The following MROH9 variants were observed in gnomAD, a reference collection of about 807,000 sequenced individuals.
The protein encoded by MROH9 is maestro heat-like repeat-containing protein family member 9.
Under a neutral mutation model 98.2 loss-of-function variants are expected in MROH9, and 92 were observed. The ratio of observed to expected loss-of-function variants is 0.94; its 90% confidence interval spans 0.79 to 1.11. MROH9 has a LOEUF of 1.11. Among genes scored for constraint, MROH9 ranks in the 50% most tolerant of loss-of-function variants. MROH9 has a pLI of 0.00. For missense variants in MROH9, 1,057 were observed against 1,014.8 expected (o/e 1.04, Z -0.57); for synonymous variants, 397 against 368.9 (o/e 1.08, Z -0.87).
chr1:171,008,839 A>C lies in MROH9; in HGVS notation c.1597-5278A>C, dbSNP rs142806520. On this transcript the variant is annotated intron_variant, in intron 15 of 21. Transcript: ENST00000367759. ...CTTCCAGGAGATGTTGTTAAGTGAA[A>C]ATAAAACAAGCTGCAGAGCAGCACA... Among the ~76,000 whole-genome samples the C allele has an allele frequency of 5.2e-3, 788 of 152,324 alleles. 9 individuals carry two copies. Among genetic ancestry groups the C allele is most frequent in the African/African-American group, 0.017 (713 of 41,580 alleles).
intron 8 of MROH9, among the ~76,000 whole-genome samples, chr1:170,981,617 G>C (rs1370887068): frequency 6.6e-6 from 1 of 151,978 alleles, no homozygotes; most frequent in Non-Finnish European, 1.5e-5. Context: ...GGAGGTGGGG[G>C]GTGCGGGGAG....
At chr1:170,966,643 A>G (rs968530692) in intron 7 of MROH9, among the ~76,000 whole-genome samples, 1 of 152,090 alleles carries the variant, frequency 6.6e-6, no homozygotes, top group African/African-American at 2.4e-5. Context: ...ACATAATACA[A>G]TTTACTTAGA....
rs778891967 is a variant in MROH9 at position 171,005,460 on chromosome 1, C to A, written c.1596+7186C>A. On this transcript the variant is annotated intron_variant, in intron 15 of 21. Coordinates refer to ENST00000367759, the MANE Select transcript of MROH9 (RefSeq NM_001163629.2). ...GTGTGTCTTCAATTTCCTTCATCAGCATTTTATAGTTTTCAGTGTACAGGT... is the reference window on the plus strand; with the variant it reads ...GTGTGTCTTCAATTTCCTTCATCAGAATTTTATAGTTTTCAGTGTACAGGT... Among the ~76,000 whole-genome samples the A allele has an allele frequency of 3.7e-4, 57 of 152,054 alleles. 2 individuals are homozygous for A. Among genetic ancestry groups the A allele is most frequent in the Admixed American group, 3.3e-3 (50 of 15,258 alleles).
At chr1:170,998,944 T>C (rs1651689133) in intron 15 of MROH9, 1 of 171,506 alleles carries the variant, frequency 5.8e-6, no homozygotes, top group Admixed American at 6.5e-5. Flanking sequence ...AAAAGCATAC[T>C]GTTATACTAT....
At chr1:171,021,834 A>T (rs1287759708) in intron 17 of MROH9, among the ~76,000 whole-genome samples, 1 of 152,150 alleles carries the variant, frequency 6.6e-6, no homozygotes, top group Admixed American at 6.5e-5. Context: ...AATGGGAAAA[A>T]ATTTTTGCAA....
intron 20 of MROH9, among the ~76,000 whole-genome samples, chr1:171,044,972 C>CTTTTTTTTT (rs754332732): frequency 0.01 from 472 of 45,692 alleles, 103 homozygotes; most frequent in Non-Finnish European, 0.014. Context: ...CTGCTCTGAT[C>CTTTTTTTTT]TTTTTTTTTT....
rs768636059 is a variant in MROH9 at position 170,947,638 on chromosome 1, G to A, written c.72+65G>A. The A allele has an allele frequency of 4.4e-6, 6 of 1,355,732 alleles. No homozygotes were observed. In the Admixed American group the frequency reaches 5.5e-5, roughly 12 times the overall value. The allele number at this position is 1,355,732 out of a possible 1,614,324, so 84.0% of individuals were successfully genotyped here. ...CTCTTGGAAAAAATAACTTTTTACTGTTTCCATTACAAGGATGTTACAAGT... is the reference window on the plus strand; with the variant it reads ...CTCTTGGAAAAAATAACTTTTTACTATTTCCATTACAAGGATGTTACAAGT... On this transcript the variant is annotated intron_variant, in intron 3 of 21. Coordinates refer to ENST00000367759, the MANE Select transcript of MROH9 (RefSeq NM_001163629.2).
chr1:170,968,516 C>T (rs1381678571), intron 7 of MROH9, among the ~76,000 whole-genome samples: 1 of 152,118 alleles, frequency 6.6e-6, no homozygotes, highest in Non-Finnish European at 1.5e-5. Flanking sequence ...AGCAACCACA[C>T]TTTGTGAAAT....
intron 16 of MROH9, among the ~76,000 whole-genome samples, chr1:171,015,436 C>T (rs1016138715): frequency 2.0e-5 from 3 of 152,112 alleles, no homozygotes; most frequent in Non-Finnish European, 4.4e-5. Context: ...ACACAAATGG[C>T]CTCTGGCATT....
Position 171,062,113 on chromosome 1 carries a change from A to C in MROH9, c.2282-19A>C. On this transcript the variant is annotated intron_variant, in intron 20 of 21. Transcript: ENST00000367759. The stretch of plus-strand genomic sequence containing the variant: ...CATAATGCATGTTGCAGTAACTTTA[A>C]TTTTTATTATGTGCATAGGATATTT... The C allele has an allele frequency of 6.7e-7, 1 of 1,500,618 alleles. No homozygotes were observed. The highest frequency in any genetic ancestry group is 9.1e-7 in the Non-Finnish European group (1 of 1,104,844). 93.0% of individuals were successfully genotyped at this position (1,500,618 alleles called of 1,614,324 possible). A position where few individuals can be genotyped will look rare whatever the true frequency, so the allele number is the denominator to read the frequency against.
intron 17 of MROH9, 62 bp downstream of exon 17, chr1:171,016,398 T>G: frequency 7.9e-7 from 1 of 1,261,896 alleles, no homozygotes; most frequent in Non-Finnish European, 1.0e-6. Context: ...AAACTCAAGT[T>G]GAGGCAGTGA....
chr1:171,053,534 C>T (rs542474557), intron 20 of MROH9, among the ~76,000 whole-genome samples: 2 of 152,286 alleles, frequency 1.3e-5, no homozygotes, highest in Non-Finnish European at 2.9e-5. Flanking sequence ...CTCAAATTTT[C>T]TACACACAAT....
chr1:171,021,762 C>A (rs1158545991), intron 17 of MROH9, among the ~76,000 whole-genome samples: 1 of 151,954 alleles, frequency 6.6e-6, no homozygotes, highest in African/African-American at 2.4e-5. Flanking sequence ...AGGATCTAAT[C>A]AAATTAAACA....
At chr1:171,063,918 A>G (rs747585146) in intron 21 of MROH9, among the ~76,000 whole-genome samples, 181 bp from the exon 22 acceptor site, 7 of 152,168 alleles carry the variant, frequency 4.6e-5, no homozygotes, top group Non-Finnish European at 8.8e-5. Context: ...GGGTTTTAGT[A>G]GGGATAGATG....
At chr1:171,045,103 G>T (rs1309095168) in intron 20 of MROH9, among the ~76,000 whole-genome samples, 1 of 141,208 alleles carries the variant, frequency 7.1e-6, no homozygotes, top group Non-Finnish European at 1.5e-5. Flanking sequence ...CTGGATTCAC[G>T]CCATTCTCCC....
intron 14 of MROH9, 87 bp downstream of exon 14, chr1:170,996,731 G>C: frequency 7.7e-7 from 1 of 1,299,970 alleles, no homozygotes; most frequent in South Asian, 1.5e-5. Flanking sequence ...GAACAAGATA[G>C]GCATCTATTC....
intron 15 of MROH9, among the ~76,000 whole-genome samples, chr1:171,009,182 A>T (rs2101827209): frequency 6.6e-6 from 1 of 152,084 alleles, no homozygotes; most frequent in East Asian, 1.9e-4. Flanking sequence ...CTCTCAAAGT[A>T]CCCCTCTTGT....
At chr1:170,977,445 A>G (rs1650746939) in intron 8 of MROH9, among the ~76,000 whole-genome samples, 1 of 152,006 alleles carries the variant, frequency 6.6e-6, no homozygotes, top group South Asian at 2.1e-4. Context: ...CAGGGTCTGT[A>G]TTTGTATCTG....
intron 20 of MROH9, among the ~76,000 whole-genome samples, chr1:171,031,044 T>G (rs1029667114): frequency 1.3e-5 from 2 of 152,202 alleles, no homozygotes; most frequent in African/African-American, 4.8e-5. Flanking sequence ...TAATGTCCTT[T>G]TTCTTCTTTT....
Sources: gnomAD v4.1 joint callset for allele counts (sites outside exome capture counted in the v4.1 genomes callset) on GRCh38, gnomAD v4.1.1 for gene constraint, MANE v1.5 for transcripts, NCBI Gene and HGNC (gene_info 2026-07-23, HGNC 2026-07-21) for gene names.